The following ANK3 variants were observed in gnomAD, a reference collection of about 807,000 sequenced individuals.
ANK3 encodes the protein ankyrin-3.
ANK3 carries 57 observed loss-of-function variants against 370.9 expected under a neutral mutation model. The observed-to-expected ratio is 0.15, with a 90% CI of 0.12 to 0.19. The LOEUF is 0.19. Among genes scored for constraint, ANK3 ranks in the 10% least tolerant of loss-of-function variants. The pLI, the probability that ANK3 is intolerant of heterozygous loss-of-function variation, is 1.00. For synonymous variants in ANK3, 1,929 were observed against 1,946.3 expected (o/e 0.99, Z 0.23); for missense variants, 4,439 against 5,302.1 (o/e 0.84, Z 5.06).
chr10:60,471,551 C>T (rs990168389), intron 2 of ANK3, among the ~76,000 whole-genome samples: 2 of 152,034 alleles, frequency 1.3e-5, no homozygotes, highest in Non-Finnish European at 2.9e-5. Context: ...AATGATGATT[C>T]TTATACATTA....
rs1305756045 is a variant in ANK3 at position 60,240,304 on chromosome 10, A to ATTTTT, written c.799-5519_799-5518insAAAAA. ...CACATATATATATATATATATATAT[A>ATTTTT]TATTTTTTTTTCTTTTTGAGATAGA... On this transcript the variant is annotated intron_variant, in intron 7 of 43. Transcript: ENST00000280772. Among the ~76,000 whole-genome samples the ATTTTT allele has an allele frequency of 7.7e-3, 674 of 87,610 alleles. 18 individuals are homozygous for ATTTTT. The highest frequency in any genetic ancestry group is 0.021 in the African/African-American group (522 of 24,718). 57.5% of individuals were successfully genotyped at this position (87,610 alleles called of 152,430 possible). A position where few individuals can be genotyped will look rare whatever the true frequency, so the allele number is the denominator to read the frequency against.
intron 2 of ANK3, among the ~76,000 whole-genome samples, chr10:60,471,617 T>C (rs1482341684): frequency 6.6e-6 from 1 of 152,128 alleles, no homozygotes; most frequent in Non-Finnish European, 1.5e-5. Flanking sequence ...AGCAGTGAAA[T>C]TGTTTGATCA....
intron 24 of ANK3, chr10:60,138,566 CAG>C (rs1180303654): frequency 3.7e-5 from 15 of 405,010 alleles, no homozygotes; most frequent in Non-Finnish European, 5.2e-5. Context: ...ATTTCAGTAA[CAG>C]AGAATAGTGA....
intron 2 of ANK3, among the ~76,000 whole-genome samples, chr10:60,441,763 C>T (rs1453212919): frequency 1.3e-5 from 2 of 152,138 alleles, no homozygotes; most frequent in Non-Finnish European, 2.9e-5. Context: ...GCACCAGACA[C>T]CTAGATTTTT....
intron 28 of ANK3, among the ~76,000 whole-genome samples, chr10:60,092,621 GA>G (rs1326833730): frequency 1.3e-5 from 2 of 151,672 alleles, no homozygotes; most frequent in African/African-American, 2.4e-5. Flanking sequence ...GTAACTATTA[GA>G]AAAAAAAGGA....
At chr10:60,520,236 A>G (rs1347778997) in intron 2 of ANK3, among the ~76,000 whole-genome samples, 1 of 152,124 alleles carries the variant, frequency 6.6e-6, no homozygotes, top group African/African-American at 2.4e-5. Flanking sequence ...TTGGGTATAC[A>G]TGGACACAAA....
rs201552705 is a variant in ANK3, at chr10:60,055,610, C to T, written c.13065+48G>A. On this transcript the variant is annotated intron_variant, in intron 42 of 43. Coordinates refer to ENST00000280772, the MANE Select transcript of ANK3 (RefSeq NM_020987.5). ...AGATCAATCCAAAGAAGTAAAGCACCGATACTTTCCATTTCAATGACTGCT... is the reference window on the plus strand; with the variant it reads ...AGATCAATCCAAAGAAGTAAAGCACTGATACTTTCCATTTCAATGACTGCT... 101 of 1,536,480 alleles carry T rather than the reference C, an allele frequency of 6.6e-5. No homozygotes were observed. The East Asian group carries it at 1.1e-3, about 16-fold the overall frequency.
rs932825956 is a variant in ANK3, at chr10:60,088,413, C to T, written c.3329-55G>A. The T allele has an allele frequency of 4.8e-6, 7 of 1,457,588 alleles. No individual in the cohort carries two copies. In the Admixed American group the frequency reaches 1.1e-4, roughly 23 times the overall value. 90.3% of individuals were successfully genotyped at this position (1,457,588 alleles called of 1,614,324 possible). A position where few individuals can be genotyped will look rare whatever the true frequency, so the allele number is the denominator to read the frequency against. On this transcript the variant is annotated intron_variant, in intron 28 of 43. Coordinates refer to ENST00000280772, the MANE Select transcript of ANK3 (RefSeq NM_020987.5). ...GAGAATAAGCATATCTACAACATACCTTAAGTCAAAATGATATATCTTTTT... is the reference window on the plus strand; with the variant it reads ...GAGAATAAGCATATCTACAACATACTTTAAGTCAAAATGATATATCTTTTT...
At chr10:60,063,052 G>T in intron 40 of ANK3, 59 bp downstream of exon 40, 2 of 1,528,228 alleles carry the variant, frequency 1.3e-6, no homozygotes, top group South Asian at 2.5e-5. Flanking sequence ...TGCCTTGTCT[G>T]ACTGCACTTT....
At chr10:60,395,611 T>C (rs2063215336) in intron 2 of ANK3, among the ~76,000 whole-genome samples, 1 of 85,828 alleles carries the variant, frequency 1.2e-5, no homozygotes, top group African/African-American at 5.6e-5. Flanking sequence ...TTTCTTTCTC[T>C]CTTTCGTTCT....
chr10:60,516,841 C>T (rs1410852433), intron 2 of ANK3, among the ~76,000 whole-genome samples: 1 of 152,074 alleles, frequency 6.6e-6, no homozygotes, highest in Non-Finnish European at 1.5e-5. Flanking sequence ...CTAAAGGGAT[C>T]ACAGAGCAGA....
chr10:60,535,682 A>G (rs1192406064), intron 2 of ANK3, among the ~76,000 whole-genome samples: 1 of 152,092 alleles, frequency 6.6e-6, no homozygotes, highest in Non-Finnish European at 1.5e-5. Context: ...AATTCCCCTC[A>G]CAGGGCAAAT....
At chr10:60,719,602 T>C (rs1222412986) in intron 1 of ANK3, among the ~76,000 whole-genome samples, 1 of 152,184 alleles carries the variant, frequency 6.6e-6, no homozygotes, top group Non-Finnish European at 1.5e-5. Context: ...GTATTTTTTA[T>C]ACATTTATTA....
intron 1 of ANK3, among the ~76,000 whole-genome samples, chr10:60,353,240 G>A (rs1318764763): frequency 6.7e-6 from 1 of 148,826 alleles, no homozygotes; most frequent in Non-Finnish European, 1.5e-5. Flanking sequence ...CGATCCACCT[G>A]CCTCAGCCTC....
chr10:60,716,403 A>G (rs1316702524), intron 1 of ANK3, among the ~76,000 whole-genome samples: 1 of 152,170 alleles, frequency 6.6e-6, no homozygotes, highest in African/African-American at 2.4e-5. Flanking sequence ...AAAATTTCAA[A>G]GACAGTAGGG....
intron 42 of ANK3, 57 bp from the exon 43 acceptor site, chr10:60,042,816 C>A (rs1234538727): frequency 1.4e-6 from 2 of 1,457,778 alleles, no homozygotes; most frequent in Non-Finnish European, 1.8e-6. Flanking sequence ...AGTTATAAAG[C>A]AGTCCATTCT....
chr10:60,410,864 G>A (rs1348266367), intron 2 of ANK3, among the ~76,000 whole-genome samples: 1 of 151,880 alleles, frequency 6.6e-6, no homozygotes, highest in Non-Finnish European at 1.5e-5. Flanking sequence ...CAGTGACAAG[G>A]TCTCCCTATG....
At chr10:60,142,733 A>G (rs2094623181) in intron 23 of ANK3, among the ~76,000 whole-genome samples, 1 of 152,180 alleles carries the variant, frequency 6.6e-6, no homozygotes, top group South Asian at 2.1e-4. Flanking sequence ...ATTAATGAAA[A>G]TAAAATAGCC....
At chr10:60,495,373 G>A (rs1201344721) in intron 2 of ANK3, among the ~76,000 whole-genome samples, 1 of 152,122 alleles carries the variant, frequency 6.6e-6, no homozygotes, top group Non-Finnish European at 1.5e-5. Context: ...GCTACACCTA[G>A]ACTTACTGAA....
Sources: gnomAD v4.1 joint callset for allele counts (sites outside exome capture counted in the v4.1 genomes callset) on GRCh38, gnomAD v4.1.1 for gene constraint, MANE v1.5 for transcripts, NCBI Gene and HGNC (gene_info 2026-07-23, HGNC 2026-07-21) for gene names.